The following RBPJ variants were observed in gnomAD, a reference collection of about 807,000 sequenced individuals.
RBPJ encodes recombination signal binding protein for immunoglobulin kappa J region.
Under a neutral mutation model 67.8 loss-of-function variants are expected in RBPJ, and 9 were observed. The observed-to-expected ratio is 0.13, with a 90% CI of 0.08 to 0.23. RBPJ has a LOEUF of 0.23. RBPJ is among the 10% of genes least tolerant of loss of function. The pLI, the probability that RBPJ is intolerant of heterozygous loss-of-function variation, is 1.00. For missense variants in RBPJ, 305 were observed against 595.6 expected (o/e 0.51, Z 5.08); for synonymous variants, 198 against 203.3 (o/e 0.97, Z 0.22).
chr4:26,365,360 A>C (rs1057000086), intron 1 of RBPJ, among the ~76,000 whole-genome samples: 2 of 152,088 alleles, frequency 1.3e-5, no homozygotes, highest in South Asian at 2.1e-4. Context: ...GGAGTCTGCT[A>C]CTTTATCCAT....
intron 1 of RBPJ, among the ~76,000 whole-genome samples, chr4:26,165,114 T>C (rs566687777): frequency 6.6e-6 from 1 of 152,222 alleles, no homozygotes; most frequent in East Asian, 1.9e-4. Flanking sequence ...TGCTCTTTAT[T>C]ATGCAAAAAA....
At chr4:26,230,186 T>C (rs538160447) in intron 1 of RBPJ, among the ~76,000 whole-genome samples, 5 of 145,848 alleles carry the variant, frequency 3.4e-5, no homozygotes, top group South Asian at 4.3e-4. Flanking sequence ...TGAGACCCTA[T>C]CTTAAAAAAA....
Position 26,431,360 on chromosome 4 carries a change from A to G in RBPJ, c.*353A>G, listed in dbSNP as rs1736222256. On this transcript the variant is annotated 3_prime_UTR_variant, in exon 11 of 11. Transcript: ENST00000355476. ...CAAGTTGAACAAACTAGAAGACACA[A>G]ATCTAACATAGTTTTTATGGACCAA... The G allele has an allele frequency of 5.0e-6, 1 of 201,820 alleles. No individual in the cohort carries two copies. The highest frequency in any genetic ancestry group is 2.4e-5 in the African/African-American group (1 of 42,430). 12.5% of individuals were successfully genotyped at this position (201,820 alleles called of 1,614,324 possible). A position where few individuals can be genotyped will look rare whatever the true frequency, so the allele number is the denominator to read the frequency against.
At chr4:26,225,540 G>A (rs1719048615) in intron 1 of RBPJ, among the ~76,000 whole-genome samples, 1 of 152,076 alleles carries the variant, frequency 6.6e-6, no homozygotes, top group Admixed American at 6.6e-5. Context: ...GTGACATTAT[G>A]CATTTGTCAA....
chr4:26,134,230 C>A, the RBPJ span, among the ~76,000 whole-genome samples: 110 of 152,312 alleles, frequency 7.2e-4, no homozygotes, highest in African/African-American at 2.6e-3. Flanking sequence ...GAATCAAACA[C>A]AGCAGGATAC....
chr4:26,174,094 C>T (rs1193265195), intron 1 of RBPJ, among the ~76,000 whole-genome samples: 5 of 152,304 alleles, frequency 3.3e-5, no homozygotes, highest in East Asian at 1.9e-4. Flanking sequence ...TTCAACAGGA[C>T]GGTTGCTTGC....
chr4:26,218,633 A>G (rs1249882793), intron 1 of RBPJ, among the ~76,000 whole-genome samples: 1 of 152,056 alleles, frequency 6.6e-6, no homozygotes, highest in Non-Finnish European at 1.5e-5. Flanking sequence ...AGGCGTGCAA[A>G]TCCCCAAGGG....
At chr4:26,326,679 CAAAT>C (rs34234843) in intron 1 of RBPJ, among the ~76,000 whole-genome samples, 65,884 of 151,632 alleles carry the variant, frequency 0.43, 15,859 homozygotes, top group Non-Finnish European at 0.53. Flanking sequence ...TTGTGACTGT[CAAAT>C]AAGGTAAATT....
At chr4:26,321,438 G>C (rs1197356511) in intron 1 of RBPJ, 1 of 151,690 alleles carries the variant, frequency 6.6e-6, no homozygotes, top group African/African-American at 2.4e-5. Flanking sequence ...GGCCCCGGGC[G>C]CTTTGTCTTT....
At chr4:26,358,636 TAGTG>T (rs1175143025) in intron 1 of RBPJ, among the ~76,000 whole-genome samples, 1 of 144,406 alleles carries the variant, frequency 6.9e-6, no homozygotes, top group African/African-American at 2.7e-5. Context: ...AAAAAAAAGT[TAGTG>T]GGGTACGTGG....
intron 1 of RBPJ, among the ~76,000 whole-genome samples, chr4:26,302,906 C>T (rs1273890769): frequency 2.0e-5 from 3 of 152,030 alleles, no homozygotes; most frequent in Admixed American, 6.6e-5. Context: ...TCTGGCTGGG[C>T]GCAGTGGCCT....
chr4:26,132,617 A>G, the RBPJ span, among the ~76,000 whole-genome samples: 1 of 151,810 alleles, frequency 6.6e-6, no homozygotes, highest in Non-Finnish European at 1.5e-5. Flanking sequence ...GGACTCATAT[A>G]CCCTTTTCTT....
chr4:26,287,486 G>C (rs1721505322), intron 1 of RBPJ, among the ~76,000 whole-genome samples: 1 of 150,366 alleles, frequency 6.7e-6, no homozygotes, highest in African/African-American at 2.5e-5. Context: ...CAGGGAGATG[G>C]AGGCTACAGT....
intron 1 of RBPJ, among the ~76,000 whole-genome samples, chr4:26,325,672 G>T (rs1461189105): frequency 6.6e-6 from 1 of 152,164 alleles, no homozygotes; most frequent in Non-Finnish European, 1.5e-5. Flanking sequence ...TGGCGCATAG[G>T]ATCCTCCATA....
intron 1 of RBPJ, among the ~76,000 whole-genome samples, chr4:26,384,821 T>A (rs1308102877): frequency 1.1e-4 from 3 of 27,866 alleles, no homozygotes; most frequent in African/African-American, 1.6e-4. Flanking sequence ...CTCTCCCCTC[T>A]CCCCCTCCCC....
chr4:26,204,855 T>TA (rs1718114329), intron 1 of RBPJ, among the ~76,000 whole-genome samples: 1 of 152,196 alleles, frequency 6.6e-6, no homozygotes, highest in South Asian at 2.1e-4. Context: ...TTATTACTGT[T>TA]AGTGTGTGCC....
At chr4:26,352,268 C>T (rs1035817033) in intron 1 of RBPJ, among the ~76,000 whole-genome samples, 3 of 152,126 alleles carry the variant, frequency 2.0e-5, no homozygotes, top group Non-Finnish European at 4.4e-5. Flanking sequence ...AAGGTCCCTG[C>T]TGTGGTTCAT....
chr4:26,232,283 T>G (rs1398882812), intron 1 of RBPJ, among the ~76,000 whole-genome samples: 1 of 152,236 alleles, frequency 6.6e-6, no homozygotes, highest in African/African-American at 2.4e-5. Flanking sequence ...GTGCAGCATG[T>G]GCAGGTTTGT....
intron 1 of RBPJ, among the ~76,000 whole-genome samples, chr4:26,340,916 T>G (rs6821126): frequency 0.88 from 133,624 of 152,012 alleles, 58,943 homozygotes; most frequent in East Asian, 0.96. Context: ...AGCCTTGAAA[T>G]AAGTGTCATA....
Sources: gnomAD v4.1 joint callset for allele counts (sites outside exome capture counted in the v4.1 genomes callset) on GRCh38, gnomAD v4.1.1 for gene constraint, MANE v1.5 for transcripts, NCBI Gene and HGNC (gene_info 2026-07-23, HGNC 2026-07-21) for gene names.